TSPAN32: variants seen among roughly 807,000 people sequenced by gnomAD.
The protein encoded by TSPAN32 is tetraspanin 32.
A neutral mutation model predicts 42.7 loss-of-function variants in TSPAN32; 47 were observed. The observed-to-expected ratio is 1.10, with a 90% confidence interval of 0.87 to 1.40. The LOEUF (loss-of-function observed/expected upper bound fraction) is 1.40. TSPAN32 is among the 40% of genes most tolerant of loss of function. The pLI, the probability that TSPAN32 is intolerant of heterozygous loss-of-function variation, is 0.00. For missense variants in TSPAN32, 469 were observed against 424.1 expected (o/e 1.11, Z -0.93); for synonymous variants, 175 against 175.9 (o/e 0.99, Z 0.04).
chr11:2,308,613 C>A lies in TSPAN32; in HGVS notation c.280-123C>A, dbSNP rs1409677875. 4 of 16,800 alleles carry A rather than the reference C, an allele frequency of 2.4e-4. 1 individual carries two copies. Among genetic ancestry groups the A allele is most frequent in the Non-Finnish European group, 5.5e-4 (4 of 7,228 alleles). The allele number at this position is 16,800 out of a possible 1,614,324, so 1.0% of individuals were successfully genotyped here. On this transcript the variant is annotated intron_variant, in intron 3 of 9. Transcript: ENST00000182290. ...ATGACCAGCCCCCAACAGTGACCAG[C>A]CCCCCATAGTGACCGGCCCCCCACA...
intron 4 of TSPAN32, among the ~76,000 whole-genome samples, chr11:2,311,646 C>CT (rs1848467404): frequency 6.6e-6 from 1 of 152,200 alleles, no homozygotes; most frequent in Non-Finnish European, 1.5e-5. Flanking sequence ...CAGGACCTGT[C>CT]TGTACCTTCC....
chr11:2,307,033 AGAGGAGGAAG>A (rs1160212304), intron 3 of TSPAN32: 1 of 151,718 alleles, frequency 6.6e-6, no homozygotes, highest in Non-Finnish European at 1.5e-5. Flanking sequence ...AGGAGGAGGA[AGAGGAGGAAG>A]GAGGAGGAGA....
At chr11:2,311,540 T>A (rs563700145) in intron 4 of TSPAN32, among the ~76,000 whole-genome samples, 1 of 152,160 alleles carries the variant, frequency 6.6e-6, no homozygotes, top group African/African-American at 2.4e-5. Flanking sequence ...CCTCCCTGGA[T>A]CCTCCAGCCG....
intron 3 of TSPAN32, among the ~76,000 whole-genome samples, chr11:2,307,825 C>A (rs1357798122): frequency 3.3e-5 from 5 of 152,082 alleles, no homozygotes; most frequent in African/African-American, 9.7e-5. Context: ...CCATGGAGAC[C>A]CAGGCAGAGT....
chr11:2,315,494 T>G, intron 6 of TSPAN32: 6 of 1,152,350 alleles, frequency 5.2e-6, no homozygotes, highest in Non-Finnish European at 6.5e-6. Context: ...ACCCTTGGGA[T>G]GGCAGGGCCA....
chr11:2,302,776 G>A (rs778492426), intron 1 of TSPAN32, 68 bp from the exon 2 acceptor site: 47 of 1,365,578 alleles, frequency 3.4e-5, no homozygotes, highest in Non-Finnish European at 4.5e-5. Context: ...AACCCTGCCC[G>A]CTGGGGCCGA....
In TSPAN32 at chr11:2,302,926, A is replaced by G. The variant is rs1367142616; in HGVS notation, c.149A>G (p.Glu50Gly). 5.0e-6 allele frequency: 8 copies of G among 1,613,606 alleles called. No individual in the cohort carries two copies. In the South Asian group the frequency reaches 7.7e-5, roughly 16 times the overall value. ...GCTGTCATCCGCCGAGCGTCCCTGG[A>G]GAAGAACCCGTACCAGGCTGTGCAC... ...HFAVIRRASLEKNPYQAVHQW... is the reference protein window; with the variant it reads ...HFAVIRRASLGKNPYQAVHQW... The change falls in exon 2 of 10, where the codon GAG (glutamate) becomes GGG (glycine). Residue 50 changes from glutamate (E) to glycine (G), a missense_variant. By Grantham distance (98) the Glu-to-Gly change is moderately conservative. Coordinates refer to ENST00000182290, the MANE Select transcript of TSPAN32 (RefSeq NM_139022.3).
At chr11:2,306,046 C>CTGTGTGTGTGTGCG (rs1848064464) in intron 3 of TSPAN32, among the ~76,000 whole-genome samples, 1 of 147,216 alleles carries the variant, frequency 6.8e-6, no homozygotes, top group African/African-American at 2.5e-5. Context: ...GCAGGTGCCT[C>CTGTGTGTGTGTGCG]TGTGTGTGTG....
rs552901039 is a variant in TSPAN32 at position 2,303,841 on chromosome 11, C to A, written c.182-266C>A. Among the ~76,000 whole-genome samples, 373 of 152,238 alleles carry A rather than the reference C, an allele frequency of 2.5e-3. 1 individual carries two copies. Among genetic ancestry groups the A allele is most frequent in the Non-Finnish European group, 3.7e-3 (251 of 67,988 alleles). On this transcript the variant is annotated intron_variant, in intron 2 of 9. Transcript: ENST00000182290. ...CCGGCCACTTGTCACTAGGGCATGG[C>A]AGGGAGCATGTGGCTTCCAAGATAG...
intron 6 of TSPAN32, chr11:2,315,416 C>T: frequency 8.8e-7 from 1 of 1,138,140 alleles, no homozygotes; most frequent in Non-Finnish European, 1.1e-6. Flanking sequence ...GTCAGGACCC[C>T]TGTGCCACCC....
chr11:2,302,173 G>A lies in TSPAN32; in HGVS notation c.24G>A (p.Arg8=). 1 of 1,422,946 alleles carries A rather than the reference G, an allele frequency of 7.0e-7. No homozygotes were observed. The highest frequency in any genetic ancestry group is 1.4e-5 in the African/African-American group (1 of 69,236). The allele number at this position is 1,422,946 out of a possible 1,614,324, so 88.1% of individuals were successfully genotyped here. A position where few individuals can be genotyped will look rare whatever the true frequency, so the allele number is the denominator to read the frequency against. Residue 8 remains arginine (R), a synonymous_variant, in exon 1 of 10, where the codon AGG becomes AGA. Transcript: ENST00000182290. MGPWSRV[R]VAKCQMLVTC... ...TCATGGGGCCTTGGAGTCGAGTCAG[G>A]GTTGCCAAATGCCAGATGCTGGTCA...
chr11:2,303,882 G>A (rs1589794766), intron 2 of TSPAN32, among the ~76,000 whole-genome samples: 1 of 152,272 alleles, frequency 6.6e-6, no homozygotes, highest in East Asian at 1.9e-4. Context: ...CAGGCATGGA[G>A]GGCAGGGAGG....
chr11:2,317,675 G>A lies in TSPAN32; in HGVS notation c.901+150G>A. 6.7e-7 allele frequency: 1 copy of A among 1,482,688 alleles called. No homozygotes were observed. The highest frequency in any genetic ancestry group is 1.3e-5 in the South Asian group (1 of 75,616). The allele number at this position is 1,482,688 out of a possible 1,614,324, so 91.8% of individuals were successfully genotyped here. A position where few individuals can be genotyped will look rare whatever the true frequency, so the allele number is the denominator to read the frequency against. On this transcript the variant is annotated intron_variant, in intron 9 of 9. Coordinates refer to ENST00000182290, the MANE Select transcript of TSPAN32 (RefSeq NM_139022.3). This position sits in a 1 kb window ranked among gnomAD's most constrained non-coding sequence, Gnocchi z 6.2. The stretch of plus-strand genomic sequence containing the variant: ...GGGGTAGCTCACCAAATCCCTCCAT[G>A]GGAACGGGCTGGGAGCAAGCACAAA...
chr11:2,306,381 G>A (rs938103157), intron 3 of TSPAN32, among the ~76,000 whole-genome samples: 16 of 152,012 alleles, frequency 1.1e-4, no homozygotes, highest in African/African-American at 3.6e-4. Context: ...CATTCAATTC[G>A]CTTATGTATC....
chr11:2,302,417 T>C (rs1847808907), intron 1 of TSPAN32, among the ~76,000 whole-genome samples: 1 of 152,144 alleles, frequency 6.6e-6, no homozygotes, highest in Non-Finnish European at 1.5e-5. Context: ...CCGTCTCTCC[T>C]CCTGAGGGGC....
chr11:2,303,215 AG>A (rs1214499220), intron 2 of TSPAN32, among the ~76,000 whole-genome samples: 1 of 152,092 alleles, frequency 6.6e-6, no homozygotes, highest in Non-Finnish European at 1.5e-5. Context: ...TATGTCGGGC[AG>A]GGTCAGGAAG....
At chr11:2,314,611 G>A (rs762596554) in intron 6 of TSPAN32, 40 bp downstream of exon 6, 20 of 1,537,598 alleles carry the variant, frequency 1.3e-5, no homozygotes, top group East Asian at 2.3e-5. Context: ...CAAGACCCTC[G>A]GGGGCTGGAC....
rs977477028 is a variant in TSPAN32 at position 2,316,297 on chromosome 11, C to T, written c.612C>T (p.Ile204=). ...HQQVASSLTS[I]GLALTVSALL... ...AGGTCGCCTCCAGCCTGACCAGCAT[C>T]GGCCTGGCCCTCACGGTACCCTCTC... Residue 204 remains isoleucine, a synonymous_variant, in exon 7 of 10, where the codon ATC becomes ATT. Transcript: ENST00000182290. 25 of 1,601,116 alleles carry T rather than the reference C, an allele frequency of 1.6e-5. No individual in the cohort carries two copies. The highest frequency in any genetic ancestry group is 3.4e-5 in the Admixed American group (2 of 58,912).
chr11:2,309,802 G>A (rs1026354009), intron 4 of TSPAN32, among the ~76,000 whole-genome samples: 30 of 152,112 alleles, frequency 2.0e-4, no homozygotes, highest in African/African-American at 6.0e-4. Flanking sequence ...TCCCCACCGT[G>A]GTTTGCAAAT....
Sources: allele counts gnomAD v4.1 joint callset (sites outside exome capture counted in the v4.1 genomes callset), GRCh38; gene constraint gnomAD v4.1.1; non-coding constraint Gnocchi (gnomAD v3.1); transcripts MANE v1.5; gene names NCBI Gene and HGNC (gene_info 2026-07-23, HGNC 2026-07-21).